TMPRSS15: variants seen among roughly 807,000 people sequenced by gnomAD.
TMPRSS15 encodes the protein enteropeptidase.
TMPRSS15 carries 128 observed loss-of-function variants against 125.3 expected under a neutral mutation model. The ratio of observed to expected loss-of-function variants is 1.02; its 90% confidence interval spans 0.89 to 1.18. The LOEUF (loss-of-function observed/expected upper bound fraction) is 1.18, where lower values mean the gene tolerates loss of function less well. TMPRSS15 is among the 50% of genes most tolerant of loss of function. The pLI is 0.00. For missense variants in TMPRSS15, 1,283 were observed against 1,212.7 expected, an observed-to-expected ratio of 1.06 and a Z score of -0.86; for synonymous variants, 446 against 423.2, an observed-to-expected ratio of 1.05 and a Z score of -0.66.
intron 15 of TMPRSS15, among the ~76,000 whole-genome samples, chr21:18,327,881 G>A (rs564035664): frequency 1.1e-4 from 17 of 151,952 alleles, no homozygotes; most frequent in African/African-American, 3.4e-4. Context: ...GTGAAACCCC[G>A]TCTCTACTAA....
upstream of TMPRSS15, among the ~76,000 whole-genome samples, chr21:18,407,229 AT>A (rs2076154145): frequency 1.3e-5 from 2 of 152,142 alleles, no homozygotes; most frequent in South Asian, 4.1e-4. Context: ...CTGTTAAAAT[AT>A]TTGAAATACA....
At position 18,347,024 on chromosome 21, in the gene TMPRSS15, T is replaced by G. The variant is rs191606558; in HGVS notation, c.1172-2964A>C. Among the ~76,000 whole-genome samples the G allele has an allele frequency of 3.3e-5, 5 of 152,288 alleles. No individual in the cohort carries two copies. In the East Asian group the frequency reaches 9.7e-4, roughly 29 times the overall value. On this transcript the variant is annotated intron_variant, in intron 10 of 24. Coordinates refer to ENST00000284885, the MANE Select transcript of TMPRSS15 (RefSeq NM_002772.3). ...TTAATATTTCCAAACACCTAGAAATTTTTTGACACTTTGTGTCTTCTTTTT... is the reference window on the plus strand; with the variant it reads ...TTAATATTTCCAAACACCTAGAAATGTTTTGACACTTTGTGTCTTCTTTTT...
At chr21:18,272,269 G>A (rs542913087) in intron 24 of TMPRSS15, among the ~76,000 whole-genome samples, 4 of 152,166 alleles carry the variant, frequency 2.6e-5, no homozygotes, top group Non-Finnish European at 5.9e-5. Flanking sequence ...TGACTGGCAT[G>A]AGATGGTATC....
chr21:18,305,183 C>CTTTTTTT lies in TMPRSS15; in HGVS notation c.2166-7361_2166-7355dup, dbSNP rs59103494. Reference sequence around the variant, plus strand: ...GGATTCCAGGATTTGAATTTCCGTACTTTTTTTTTTTTTTTTTTTTTTTGA... The same window carrying CTTTTTTT: ...GGATTCCAGGATTTGAATTTCCGTACTTTTTTTTTTTTTTTTTTTTTTTTTTTTTTGA... On this transcript the variant is annotated intron_variant, in intron 18 of 24. Transcript: ENST00000284885. Among the ~76,000 whole-genome samples, 303 of 86,046 alleles carry CTTTTTTT rather than the reference C, an allele frequency of 3.5e-3. 12 individuals carry two copies. The highest frequency in any genetic ancestry group is 5.0e-3 in the African/African-American group (114 of 22,580). The allele number at this position is 86,046 out of a possible 152,430, so 56.4% of individuals were successfully genotyped here. A position where few individuals can be genotyped will look rare whatever the true frequency, so the allele number is the denominator to read the frequency against.
Position 18,435,409 on chromosome 21 carries a change from T to C in TMPRSS15, c.11-37080A>G, listed in dbSNP as rs540009688. On this transcript the variant is annotated intron_variant, in intron 1 of 7. Coordinates refer to the TMPRSS15 transcript ENST00000422787. ...ATAATCATGTGGCTTTTGTCTTTGG[T>C]TCTGTTTATATGCTGGATTACATTT... is the stretch of plus-strand genomic sequence containing the variant. Among the ~76,000 whole-genome samples, 16 of 152,338 alleles carry C rather than the reference T, an allele frequency of 1.1e-4. No individual in the cohort carries two copies. The East Asian group carries it at 2.5e-3, about 24-fold the overall frequency.
chr21:18,432,373 G>A (rs960883606), intron 1 of TMPRSS15, among the ~76,000 whole-genome samples: 1 of 152,178 alleles, frequency 6.6e-6, no homozygotes, highest in African/African-American at 2.4e-5. Context: ...GTCATGTTAA[G>A]GGTTGAATTG....
chr21:18,346,408 C>T (rs137919931), intron 10 of TMPRSS15, among the ~76,000 whole-genome samples: 112 of 152,232 alleles, frequency 7.4e-4, no homozygotes, highest in Non-Finnish European at 1.3e-3. Context: ...CTTATACGCA[C>T]CTATTATAAC....
At chr21:18,329,857 C>T (rs2075327910) in intron 14 of TMPRSS15, among the ~76,000 whole-genome samples, 1 of 151,216 alleles carries the variant, frequency 6.6e-6, no homozygotes, top group Admixed American at 6.6e-5. Flanking sequence ...TTTTTCTAGG[C>T]TATTCTTCTC....
chr21:18,475,992 G>T (rs1978873238), intron 1 of TMPRSS15, among the ~76,000 whole-genome samples: 1 of 152,058 alleles, frequency 6.6e-6, no homozygotes, highest in Non-Finnish European at 1.5e-5. Flanking sequence ...ATTGCCACAG[G>T]CTGGGTGATG....
In TMPRSS15 at chr21:18,379,274, A is replaced by C. The variant is rs2123039656; in HGVS notation, c.532+9T>G. ...TTCAAAAAATAATAATAATATTATT[A>C]AAACTGACCTGGAGTTGCCAGATGA... On this transcript the variant is annotated intron_variant, in intron 5 of 24. Transcript: ENST00000284885. The C allele has an allele frequency of 7.7e-7, 1 of 1,299,946 alleles. No homozygotes were observed. Among genetic ancestry groups the C allele is most frequent in the Non-Finnish European group, 1.0e-6 (1 of 994,110 alleles). The allele number at this position is 1,299,946 out of a possible 1,614,324, so 80.5% of individuals were successfully genotyped here.
intron 23 of TMPRSS15, among the ~76,000 whole-genome samples, chr21:18,276,213 C>G (rs189318849): frequency 6.6e-6 from 1 of 152,200 alleles, no homozygotes; most frequent in East Asian, 1.9e-4. Context: ...CACACGTGCA[C>G]GTGTGTGTGT....
At chr21:18,432,288 A>G (rs2076217690) in intron 1 of TMPRSS15, among the ~76,000 whole-genome samples, 1 of 152,138 alleles carries the variant, frequency 6.6e-6, no homozygotes, top group African/African-American at 2.4e-5. Context: ...TTGAGACACT[A>G]TGTCTTCATC....
intron 21 of TMPRSS15, among the ~76,000 whole-genome samples, chr21:18,288,936 C>A (rs1342088143): frequency 6.6e-6 from 1 of 151,798 alleles, no homozygotes; most frequent in Non-Finnish European, 1.5e-5. Flanking sequence ...GCCTAACTCC[C>A]TAGAACAATA....
intron 17 of TMPRSS15, among the ~76,000 whole-genome samples, chr21:18,314,569 C>A (rs955257068): frequency 6.6e-6 from 1 of 152,116 alleles, no homozygotes; most frequent in African/African-American, 2.4e-5. Flanking sequence ...TGAGCCACTG[C>A]GCCTGACCAG....
At chr21:18,454,735 T>G (rs1051437743) in intron 1 of TMPRSS15, among the ~76,000 whole-genome samples, 1 of 152,160 alleles carries the variant, frequency 6.6e-6, no homozygotes, top group African/African-American at 2.4e-5. Flanking sequence ...TTGTGCTATC[T>G]TGGGCCTCAC....
chr21:18,340,651 T>G (rs1302599045), intron 13 of TMPRSS15, among the ~76,000 whole-genome samples: 2 of 152,326 alleles, frequency 1.3e-5, no homozygotes, highest in African/African-American at 4.8e-5. Context: ...AGTCCAGGCT[T>G]GATTAGTCAT....
chr21:18,433,494 A>G (rs1046760026), intron 1 of TMPRSS15, among the ~76,000 whole-genome samples: 3 of 151,858 alleles, frequency 2.0e-5, no homozygotes, highest in African/African-American at 7.3e-5. Context: ...GGAGTTTGAG[A>G]CCAGACTGGG....
chr21:18,328,039 C>T (rs533200295), intron 15 of TMPRSS15, among the ~76,000 whole-genome samples: 45 of 152,062 alleles, frequency 3.0e-4, no homozygotes, highest in African/African-American at 9.9e-4. Flanking sequence ...GGTGACAGAG[C>T]GAGGCTCCAT....
intron 18 of TMPRSS15, among the ~76,000 whole-genome samples, chr21:18,302,750 T>C (rs2074987121): frequency 6.6e-6 from 1 of 152,216 alleles, no homozygotes; most frequent in African/African-American, 2.4e-5. Context: ...AAGAAACTGC[T>C]GGTACCTCCT....
Sources: allele counts gnomAD v4.1 joint callset (sites outside exome capture counted in the v4.1 genomes callset), GRCh38; gene constraint gnomAD v4.1.1; transcripts MANE v1.5; gene names NCBI Gene and HGNC (gene_info 2026-07-23, HGNC 2026-07-21).